The following GALNT13 variants were observed in gnomAD, a reference collection of about 807,000 sequenced individuals.
The protein encoded by GALNT13 is UDP-GalNAc:polypeptide N-acetylgalactosaminyltransferase 13.
GALNT13 carries 28 observed loss-of-function variants against 64.2 expected under a neutral mutation model. That is an observed-to-expected ratio of 0.44 (90% CI 0.32 to 0.60). The LOEUF is 0.60. Ranked by LOEUF, GALNT13 falls within the 20% of genes least tolerant of loss-of-function variation. The probability of loss-of-function intolerance (pLI) is 0.05; values close to 1 mark genes in which losing one functional copy is unlikely to be tolerated. For missense variants in GALNT13, 577 were observed against 669.8 expected, an observed-to-expected ratio of 0.86 and a Z score of 1.53; for synonymous variants, 214 against 224.6, an observed-to-expected ratio of 0.95 and a Z score of 0.42.
At chr2:153,387,744 A>G in the GALNT13 span, among the ~76,000 whole-genome samples, 22 of 152,070 alleles carry the variant, frequency 1.4e-4, no homozygotes. Context: ...TTAAATTTCA[A>G]TTATTCCCTT....
chr2:153,300,438 AGACT>A, the GALNT13 span, among the ~76,000 whole-genome samples: 6 of 152,238 alleles, frequency 3.9e-5, no homozygotes, highest in African/African-American at 1.4e-4. Flanking sequence ...AATTGTGACA[AGACT>A]GTCTGAAGCA....
chr2:153,094,292 G>A, the GALNT13 span, among the ~76,000 whole-genome samples: 3 of 151,630 alleles, frequency 2.0e-5, no homozygotes, highest in Admixed American at 6.6e-5. Flanking sequence ...TGCGTTTTTT[G>A]TATCTGATAT....
At chr2:154,380,011 A>T (rs1192081118) in intron 9 of GALNT13, among the ~76,000 whole-genome samples, 1 of 152,098 alleles carries the variant, frequency 6.6e-6, no homozygotes. Context: ...AAATATTTCT[A>T]TTTATGTCTA....
At chr2:154,168,882 T>C (rs67270725) in intron 4 of GALNT13, among the ~76,000 whole-genome samples, 19,734 of 151,842 alleles carry the variant, frequency 0.13, 1,415 homozygotes, top group South Asian at 0.21. Flanking sequence ...AGAGATTTAT[T>C]GGCTAATGGT....
At chr2:154,408,785 A>C (rs1699664129) in intron 10 of GALNT13, among the ~76,000 whole-genome samples, 199 bp from the exon 11 acceptor site, 1 of 152,042 alleles carries the variant, frequency 6.6e-6, no homozygotes. Flanking sequence ...AAACTTCAGG[A>C]GGAGTTTAGA....
At chr2:154,361,007 G>C (rs1697036300) in intron 9 of GALNT13, among the ~76,000 whole-genome samples, 1 of 152,018 alleles carries the variant, frequency 6.6e-6, no homozygotes, top group African/African-American at 2.4e-5. Context: ...AACACAATTT[G>C]GAAAGATGGG....
chr2:153,598,334 C>A, the GALNT13 span, among the ~76,000 whole-genome samples: 1 of 152,046 alleles, frequency 6.6e-6, no homozygotes, highest in African/African-American at 2.4e-5. Flanking sequence ...TGCCTCAGGG[C>A]CTTTGTACTT....
chr2:153,234,885 A>G, the GALNT13 span, among the ~76,000 whole-genome samples: 1 of 152,202 alleles, frequency 6.6e-6, no homozygotes, highest in Non-Finnish European at 1.5e-5. Flanking sequence ...AATTACAGGC[A>G]TATGCCATTT....
intron 9 of GALNT13, among the ~76,000 whole-genome samples, chr2:154,383,028 A>G (rs748482815): frequency 1.3e-5 from 2 of 151,938 alleles, no homozygotes; most frequent in Admixed American, 6.6e-5. Flanking sequence ...TGATACCTCT[A>G]AGAGTGCGAT....
chr2:154,037,083 A>G (rs1301458289), intron 3 of GALNT13, among the ~76,000 whole-genome samples: 1 of 152,172 alleles, frequency 6.6e-6, no homozygotes, highest in African/African-American at 2.4e-5. Flanking sequence ...TTATTTTAAA[A>G]GGAATTAAAG....
the GALNT13 span, among the ~76,000 whole-genome samples, chr2:153,253,889 T>G: frequency 2.0e-5 from 3 of 152,198 alleles, no homozygotes; most frequent in Non-Finnish European, 4.4e-5. Flanking sequence ...ATTGAGGATT[T>G]TTGCATCAAT....
At chr2:153,731,187 A>G in the GALNT13 span, among the ~76,000 whole-genome samples, 1 of 147,054 alleles carries the variant, frequency 6.8e-6, no homozygotes, top group African/African-American at 2.6e-5. Context: ...ATATTGTCAT[A>G]TATATGTTGC....
the GALNT13 span, among the ~76,000 whole-genome samples, chr2:153,630,803 ATATATTTTTT>A: frequency 0.025 from 436 of 17,298 alleles, 1 homozygote; most frequent in Non-Finnish European, 0.035. Context: ...ATATATATAT[ATATATTTTTT>A]TTTTTTTTTT....
At chr2:153,895,121 CTGAAA>C (rs759819276) in intron 1 of GALNT13, among the ~76,000 whole-genome samples, 25 of 151,908 alleles carry the variant, frequency 1.6e-4, no homozygotes, top group Non-Finnish European at 3.2e-4. Context: ...AAAAGAGGGA[CTGAAA>C]TAAGTTGGCT....
chr2:153,335,055 T>C, the GALNT13 span, among the ~76,000 whole-genome samples: 1 of 152,212 alleles, frequency 6.6e-6, no homozygotes, highest in South Asian at 2.1e-4. Flanking sequence ...TTTCCGCTTT[T>C]GCTTCTTCCT....
the GALNT13 span, among the ~76,000 whole-genome samples, chr2:153,812,091 C>T: frequency 3.3e-5 from 5 of 152,180 alleles, no homozygotes; most frequent in African/African-American, 1.2e-4. Context: ...ACAACCTCCT[C>T]CAGAAGGTAA....
At chr2:154,152,129 G>A (rs1684073716) in intron 4 of GALNT13, among the ~76,000 whole-genome samples, 1 of 152,152 alleles carries the variant, frequency 6.6e-6, no homozygotes, top group Admixed American at 6.5e-5. Flanking sequence ...AGGCCTGGTG[G>A]TGACAAAATC....
chr2:154,387,418 TA>T, intron 9 of GALNT13, among the ~76,000 whole-genome samples: 1 of 152,120 alleles, frequency 6.6e-6, no homozygotes, highest in African/African-American at 2.4e-5. Context: ...AACATAGCCA[TA>T]ACCTTGCTTA....
chr2:153,134,456 A>G, the GALNT13 span, among the ~76,000 whole-genome samples: 3 of 152,130 alleles, frequency 2.0e-5, no homozygotes, highest in Admixed American at 1.3e-4. Context: ...GAAAGGGCAT[A>G]TGAAGAGCTG....
Sources: gnomAD v4.1 joint callset for allele counts (sites outside exome capture counted in the v4.1 genomes callset) on GRCh38, gnomAD v4.1.1 for gene constraint, MANE v1.5 for transcripts, NCBI Gene and HGNC (gene_info 2026-07-23, HGNC 2026-07-21) for gene names.